Variants in CNTNAP2 observed in about 807,000 individuals in gnomAD.
CNTNAP2 encodes contactin associated protein 2.
In CNTNAP2, 98 loss-of-function variants were observed where a neutral mutation model predicts 155.2. That is an observed-to-expected ratio of 0.63 (90% CI 0.54 to 0.75). CNTNAP2 has a LOEUF of 0.75. CNTNAP2 is among the 30% of genes least tolerant of loss of function. CNTNAP2 has a pLI of 0.00. For missense variants in CNTNAP2, 1,727 were observed against 1,688.1 expected (o/e 1.02, Z -0.40); for synonymous variants, 651 against 631.2 (o/e 1.03, Z -0.47).
intron 10 of CNTNAP2, among the ~76,000 whole-genome samples, chr7:147,449,465 C>A (rs907684871): frequency 7.9e-5 from 12 of 152,084 alleles, no homozygotes; most frequent in African/African-American, 2.9e-4. Flanking sequence ...GTTATCCTGG[C>A]AAGACGGAGC....
intron 9 of CNTNAP2, among the ~76,000 whole-genome samples, chr7:147,348,191 G>A (rs1795909120): frequency 6.6e-6 from 1 of 151,912 alleles, no homozygotes; most frequent in African/African-American, 2.4e-5. Flanking sequence ...CAAATCTTCT[G>A]CACAACAAAG....
chr7:147,821,189 TGAC>T (rs1798354086), intron 13 of CNTNAP2, among the ~76,000 whole-genome samples: 1 of 152,126 alleles, frequency 6.6e-6, no homozygotes, highest in Admixed American at 6.6e-5. Context: ...TTAAACAACA[TGAC>T]TATATTAATT....
intron 22 of CNTNAP2, among the ~76,000 whole-genome samples, chr7:148,400,232 A>G (rs752597433): frequency 1.3e-5 from 2 of 152,242 alleles, no homozygotes; most frequent in African/African-American, 2.4e-5. Context: ...AGAGCCCTGC[A>G]TGCATAGGAA....
intron 4 of CNTNAP2, 80 bp from the exon 5 acceptor site, chr7:147,108,067 T>G (rs1408921168): frequency 2.4e-6 from 3 of 1,258,796 alleles, no homozygotes; most frequent in Non-Finnish European, 3.4e-6. Flanking sequence ...TAATTCTCAT[T>G]TATTCTTTGC....
intron 8 of CNTNAP2, among the ~76,000 whole-genome samples, chr7:147,240,819 C>A (rs1425797781): frequency 6.6e-6 from 1 of 152,158 alleles, no homozygotes; most frequent in Non-Finnish European, 1.5e-5. Flanking sequence ...TATAAAAATT[C>A]TGTGTCGAAG....
At chr7:147,339,312 G>A (rs571608288) in intron 9 of CNTNAP2, among the ~76,000 whole-genome samples, 23 of 152,228 alleles carry the variant, frequency 1.5e-4, no homozygotes, top group Middle Eastern at 3.4e-3. Context: ...ACCCTCCTGT[G>A]GGGGTGTGTG....
intron 3 of CNTNAP2, among the ~76,000 whole-genome samples, chr7:146,865,769 A>G (rs925194426): frequency 9.2e-5 from 14 of 152,192 alleles, no homozygotes; most frequent in Admixed American, 2.0e-4. Flanking sequence ...TGATAAAAGC[A>G]TAACACAGAG....
chr7:147,708,986 C>G (rs1052926781), intron 13 of CNTNAP2, among the ~76,000 whole-genome samples: 1 of 152,126 alleles, frequency 6.6e-6, no homozygotes, highest in Non-Finnish European at 1.5e-5. Flanking sequence ...GAACTCCATA[C>G]AGCCCATTTT....
At chr7:146,821,161 T>C (rs1803273943) in intron 2 of CNTNAP2, among the ~76,000 whole-genome samples, 1 of 152,192 alleles carries the variant, frequency 6.6e-6, no homozygotes, top group African/African-American at 2.4e-5. Context: ...TTACCCCATT[T>C]ACATTTAAAG....
At chr7:147,838,085 G>A (rs565845655) in intron 13 of CNTNAP2, among the ~76,000 whole-genome samples, 51 of 152,324 alleles carry the variant, frequency 3.3e-4, no homozygotes, top group South Asian at 6.2e-4. Flanking sequence ...ATACCATGTG[G>A]AAGCTGCCAG....
intron 1 of CNTNAP2, among the ~76,000 whole-genome samples, chr7:146,157,254 T>G (rs943939873): frequency 1.4e-4 from 22 of 152,112 alleles, no homozygotes; most frequent in Admixed American, 1.2e-3. Context: ...TGTACTCTTC[T>G]TCAATAATAA....
chr7:146,810,919 T>A (rs1563241004), intron 2 of CNTNAP2, among the ~76,000 whole-genome samples: 1 of 152,202 alleles, frequency 6.6e-6, no homozygotes, highest in Non-Finnish European at 1.5e-5. Flanking sequence ...TTCATTCTAT[T>A]AATATAGTAT....
At chr7:146,984,367 CAAA>C (rs34062629) in intron 3 of CNTNAP2, among the ~76,000 whole-genome samples, 2,074 of 94,050 alleles carry the variant, frequency 0.022, 46 homozygotes, top group African/African-American at 0.075. Flanking sequence ...AACCCCATCT[CAAA>C]AAAAAAAAAA....
chr7:146,326,405 C>T (rs924227929), intron 1 of CNTNAP2, among the ~76,000 whole-genome samples: 1 of 152,114 alleles, frequency 6.6e-6, no homozygotes, highest in African/African-American at 2.4e-5. Flanking sequence ...CTGAATGCTC[C>T]TGAATCTTTA....
intron 3 of CNTNAP2, among the ~76,000 whole-genome samples, chr7:146,972,595 A>G (rs1364043744): frequency 6.6e-6 from 1 of 152,176 alleles, no homozygotes; most frequent in Non-Finnish European, 1.5e-5. Context: ...CATATATAAA[A>G]TGAAAATTTT....
chr7:146,633,516 A>T (rs1010443935), intron 1 of CNTNAP2, among the ~76,000 whole-genome samples: 3 of 152,190 alleles, frequency 2.0e-5, no homozygotes, highest in African/African-American at 7.2e-5. Context: ...ATAACAGGCC[A>T]TGACATCATT....
chr7:148,333,313 A>G (rs1006313738), intron 21 of CNTNAP2, among the ~76,000 whole-genome samples: 1 of 151,928 alleles, frequency 6.6e-6, no homozygotes, highest in African/African-American at 2.4e-5. Context: ...CTGTAATCCC[A>G]GCTACTCGGG....
At chr7:147,656,815 G>A (rs1355937896) in intron 13 of CNTNAP2, among the ~76,000 whole-genome samples, 1 of 152,082 alleles carries the variant, frequency 6.6e-6, no homozygotes. Flanking sequence ...CTCGAAGCAG[G>A]GTTGCCACAA....
chr7:147,153,132 CT>C (rs1203923269), intron 8 of CNTNAP2, among the ~76,000 whole-genome samples: 1 of 152,042 alleles, frequency 6.6e-6, no homozygotes, highest in East Asian at 1.9e-4. Flanking sequence ...GAAGCAGAGA[CT>C]TTTCATGGAG....
Sources: gnomAD v4.1 joint callset for allele counts (sites outside exome capture counted in the v4.1 genomes callset) on GRCh38, gnomAD v4.1.1 for gene constraint, MANE v1.5 for transcripts, NCBI Gene and HGNC (gene_info 2026-07-23, HGNC 2026-07-21) for gene names.